MAP3K5: variants seen among roughly 807,000 people sequenced by gnomAD.
MAP3K5 encodes mitogen-activated protein kinase kinase kinase 5, also known as ASK-1.
Under a neutral mutation model 158.7 loss-of-function variants are expected in MAP3K5, and 56 were observed. The observed-to-expected ratio is 0.35, with a 90% CI of 0.28 to 0.44. The LOEUF is 0.44. Ranked by LOEUF, MAP3K5 falls within the 20% of genes least tolerant of loss-of-function variation. MAP3K5 has a pLI of 1.00. For missense variants in MAP3K5, 1,294 were observed against 1,674.8 expected, an observed-to-expected ratio of 0.77 and a Z score of 3.97; for synonymous variants, 579 against 601.7, an observed-to-expected ratio of 0.96 and a Z score of 0.55.
chr6:136,583,614 C>T lies in MAP3K5; in HGVS notation c.3352G>A (p.Asp1118Asn). 5.0e-6 allele frequency: 8 copies of T among 1,614,216 alleles called. No homozygotes were observed. Among genetic ancestry groups the T allele is most frequent in the Non-Finnish European group, 5.9e-6 (7 of 1,180,040 alleles). The change falls in exon 24 of 30, where the codon GAC becomes AAC. Residue 1118 changes from aspartate to asparagine, a missense_variant. Physicochemically the swap from Asp to Asn is conservative, Grantham distance 23. Around this residue, in one of 5 missense-constraint regions of MAP3K5, gnomAD observed 362 missense variants for 463.2 expected, o/e 0.78. Coordinates refer to ENST00000359015, the MANE Select transcript of MAP3K5 (RefSeq NM_005923.4). ...TGGCTAATGCCATGGCTGTCGAAGT[C>T]CAGCTCCAGTTTCAGCTTTGACAGT... is the stretch of plus-strand genomic sequence containing the variant. ...TTLSKLKLEL[D>N]FDSHGISQVQ... is the part of the protein sequence containing the mutation.
intron 1 of MAP3K5, among the ~76,000 whole-genome samples, chr6:136,733,488 T>C (rs1179133005): frequency 6.6e-6 from 1 of 152,170 alleles, no homozygotes; most frequent in African/African-American, 2.4e-5. Context: ...AGCATAGCAG[T>C]CTCCTACATA....
At chr6:136,754,502 TGGGGAGGTCGA>T (rs1388606440) in intron 1 of MAP3K5, among the ~76,000 whole-genome samples, 75 of 150,772 alleles carry the variant, frequency 5.0e-4, no homozygotes, top group African/African-American at 1.7e-3. Flanking sequence ...ACACTTGAGC[TGGGGAGGTCGA>T]GGCCTGCAGC....
chr6:136,715,480 T>C (rs1781479101), intron 2 of MAP3K5, among the ~76,000 whole-genome samples: 1 of 152,200 alleles, frequency 6.6e-6, no homozygotes, highest in South Asian at 2.1e-4. Context: ...TCATCTTCCC[T>C]TCCCAATTTT....
intron 8 of MAP3K5, among the ~76,000 whole-genome samples, chr6:136,660,065 A>G (rs922999538): frequency 1.3e-5 from 2 of 152,232 alleles, no homozygotes; most frequent in African/African-American, 2.4e-5. Flanking sequence ...TCATAATACA[A>G]ACATTGTTAT....
At chr6:136,588,752 C>A (rs1775249275) in intron 23 of MAP3K5, among the ~76,000 whole-genome samples, 1 of 152,164 alleles carries the variant, frequency 6.6e-6, no homozygotes, top group South Asian at 2.1e-4. Flanking sequence ...TCACCGTGAG[C>A]CAAAGGAAAG....
chr6:136,764,040 C>A (rs956209609), intron 1 of MAP3K5, among the ~76,000 whole-genome samples: 4 of 152,178 alleles, frequency 2.6e-5, no homozygotes, highest in Non-Finnish European at 5.9e-5. Flanking sequence ...TCATAAATTA[C>A]TCAGTTTCAG....
At chr6:136,707,107 A>T (rs1379649026) in intron 2 of MAP3K5, among the ~76,000 whole-genome samples, 1 of 152,162 alleles carries the variant, frequency 6.6e-6, no homozygotes, top group African/African-American at 2.4e-5. Context: ...GTCAGCTATG[A>T]CTGTGCCACT....
At chr6:136,748,814 G>A (rs1344332537) in intron 1 of MAP3K5, among the ~76,000 whole-genome samples, 1 of 152,194 alleles carries the variant, frequency 6.6e-6, no homozygotes, top group Non-Finnish European at 1.5e-5. Context: ...TTGTAAAACA[G>A]CTTTAACTAG....
chr6:136,561,060 C>T (rs1027380463), intron 28 of MAP3K5, among the ~76,000 whole-genome samples: 3 of 150,706 alleles, frequency 2.0e-5, no homozygotes, highest in Non-Finnish European at 1.5e-5. Context: ...ATTTTTTTCC[C>T]ACTCTTTCTG....
chr6:136,637,466 T>C (rs998921528), intron 13 of MAP3K5, 60 bp from the exon 14 acceptor site: 10 of 1,006,502 alleles, frequency 9.9e-6, no homozygotes, highest in Non-Finnish European at 1.6e-5. Context: ...TATAAGCAAG[T>C]ACATCTCAAA....
intron 10 of MAP3K5, among the ~76,000 whole-genome samples, chr6:136,654,492 G>C (rs747549295): frequency 9.9e-5 from 15 of 151,778 alleles, no homozygotes; most frequent in Non-Finnish European, 1.5e-5. Context: ...TGTTGCCCAG[G>C]CTGGACTGCA....
At chr6:136,588,349 T>G (rs1775230107) in intron 23 of MAP3K5, among the ~76,000 whole-genome samples, 1 of 152,238 alleles carries the variant, frequency 6.6e-6, no homozygotes, top group East Asian at 1.9e-4. Flanking sequence ...TCAAGTCCTC[T>G]GTGCCTGTTT....
intron 21 of MAP3K5, chr6:136,592,850 G>T (rs1432298319): frequency 1.7e-5 from 10 of 578,820 alleles, no homozygotes; most frequent in Non-Finnish European, 3.3e-5. Flanking sequence ...TATCTCTGGG[G>T]TACCAAAACA....
intron 21 of MAP3K5, among the ~76,000 whole-genome samples, chr6:136,599,257 A>G (rs1775773380): frequency 6.6e-6 from 1 of 151,832 alleles, no homozygotes; most frequent in African/African-American, 2.4e-5. Flanking sequence ...CACATCATCC[A>G]TGTAATGATA....
intron 1 of MAP3K5, among the ~76,000 whole-genome samples, chr6:136,744,683 T>A (rs1314747153): frequency 2.0e-5 from 3 of 152,158 alleles, no homozygotes; most frequent in Admixed American, 6.5e-5. Context: ...GTTAGAGAAG[T>A]TACGGCTCAA....
intron 1 of MAP3K5, among the ~76,000 whole-genome samples, chr6:136,739,969 G>T (rs962413313): frequency 6.6e-6 from 1 of 152,158 alleles, no homozygotes; most frequent in East Asian, 1.9e-4. Flanking sequence ...AACTCAGCAG[G>T]AGCCCCTCTT....
rs1040349867 is a variant in MAP3K5 at position 136,728,134 on chromosome 6, A to G, written c.449-7545T>C. Among the ~76,000 whole-genome samples the G allele has an allele frequency of 6.6e-5, 10 of 152,242 alleles. No individual in the cohort carries two copies. The East Asian group carries it at 1.7e-3, about 26-fold the overall frequency. ...TATCAGGGGTTTGTTAAAGCATAAT[A>G]AAATTTTTAGGGTAATAACATTAAG... On this transcript the variant is annotated intron_variant, in intron 1 of 29. Coordinates refer to ENST00000359015, the MANE Select transcript of MAP3K5 (RefSeq NM_005923.4).
intron 3 of MAP3K5, among the ~76,000 whole-genome samples, chr6:136,700,484 A>G (rs1422935219): frequency 6.6e-6 from 1 of 152,274 alleles, no homozygotes; most frequent in Non-Finnish European, 1.5e-5. Context: ...GCAAGAATTC[A>G]GAAAGCAGAA....
intron 24 of MAP3K5, among the ~76,000 whole-genome samples, chr6:136,582,263 C>T (rs1453931486): frequency 7.2e-6 from 1 of 138,026 alleles, no homozygotes; most frequent in Non-Finnish European, 1.6e-5. Flanking sequence ...TGTGTGTATA[C>T]GTGTGTGTGT....
Sources: allele counts gnomAD v4.1 joint callset (sites outside exome capture counted in the v4.1 genomes callset), GRCh38; gene constraint gnomAD v4.1.1; regional missense constraint gnomAD v4.1.1; transcripts MANE v1.5; gene names NCBI Gene and HGNC (gene_info 2026-07-23, HGNC 2026-07-21).